Variants in EDA observed in about 807,000 individuals in gnomAD.
EDA encodes the protein ectodysplasin-A.
A neutral mutation model predicts 23.6 loss-of-function variants in EDA; 2 were observed. The ratio of observed to expected loss-of-function variants is 0.08; its 90% CI spans 0.03 to 0.27. EDA has a LOEUF of 0.27. Among genes scored for constraint, EDA ranks in the 10% least tolerant of loss-of-function variants. The pLI is 1.00. For missense variants in EDA, 229 were observed against 324.2 expected (o/e 0.71, Z 2.26); for synonymous variants, 131 against 132.0 (o/e 0.99, Z 0.05).
At chrX:69,626,358 A>G (rs751498951) in intron 1 of EDA, among the ~76,000 whole-genome samples, 1 of 112,332 alleles carries the variant, frequency 8.9e-6, no homozygotes, top group South Asian at 3.7e-4. Context: ...TCTACATTGA[A>G]TGTTCATAGC....
intron 1 of EDA, among the ~76,000 whole-genome samples, chrX:69,785,013 T>C (rs1469581388): frequency 9.1e-6 from 1 of 109,401 alleles, no homozygotes; most frequent in Non-Finnish European, 1.9e-5. Flanking sequence ...TTCACATCCC[T>C]TGTAAGTTGG....
intron 1 of EDA, among the ~76,000 whole-genome samples, chrX:69,746,966 T>C (rs2013642462): frequency 9.0e-6 from 1 of 111,494 alleles, no homozygotes; most frequent in South Asian, 3.8e-4. Flanking sequence ...AGCAGAGGCA[T>C]CCTCTATGCA....
At chrX:69,709,471 T>C (rs2011879121) in intron 1 of EDA, among the ~76,000 whole-genome samples, 1 of 111,772 alleles carries the variant, frequency 8.9e-6, no homozygotes, top group African/African-American at 3.3e-5. Context: ...TTTGACTCTA[T>C]AAAGCTATTC....
chrX:69,809,480 G>C (rs909068272), intron 1 of EDA, among the ~76,000 whole-genome samples: 1 of 111,237 alleles, frequency 9.0e-6, no homozygotes, highest in Admixed American at 9.5e-5. Context: ...ATTACAATTC[G>C]ACATGAGATT....
At chrX:69,888,977 G>GC (rs902577947) in intron 1 of EDA, among the ~76,000 whole-genome samples, 4 of 13,237 alleles carry the variant, frequency 3.0e-4, no homozygotes, top group Non-Finnish European at 3.8e-4. Context: ...TTGTGGGGTA[G>GC]TTATATATAT....
intron 1 of EDA, among the ~76,000 whole-genome samples, chrX:69,785,075 C>A (rs1225483347): frequency 3.7e-4 from 39 of 105,691 alleles, no homozygotes; most frequent in East Asian, 1.7e-3. Context: ...GAGTTCACTC[C>A]TGATTTGGCT....
intron 1 of EDA, among the ~76,000 whole-genome samples, chrX:69,836,748 C>T (rs896879100): frequency 8.4e-4 from 94 of 112,226 alleles, no homozygotes; most frequent in African/African-American, 2.9e-3. Context: ...ACCCACTGTC[C>T]ATCCAGTCTC....
chrX:69,617,088 C>G (rs1748324907), intron 1 of EDA: 1 of 326,444 alleles, frequency 3.1e-6, no homozygotes. Context: ...GTGTCTAGAG[C>G]TGATGCCAGA....
chrX:69,853,634 G>A (rs1029212381), intron 1 of EDA, among the ~76,000 whole-genome samples: 6 of 111,977 alleles, frequency 5.4e-5, no homozygotes, highest in African/African-American at 1.9e-4. Context: ...CTCAACATTA[G>A]CCAGGCAAAA....
chrX:69,953,488 G>C (rs2018957576), intron 1 of EDA, among the ~76,000 whole-genome samples: 1 of 111,621 alleles, frequency 9.0e-6, no homozygotes, highest in African/African-American at 3.3e-5. Context: ...TAGTTTGGCA[G>C]TTTCTTACAA....
At chrX:69,892,768 A>G (rs1286210228) in intron 1 of EDA, among the ~76,000 whole-genome samples, 1 of 111,735 alleles carries the variant, frequency 8.9e-6, no homozygotes, top group East Asian at 2.8e-4. Context: ...ACATGGTAAC[A>G]ATGGGCTGGA....
intron 1 of EDA, among the ~76,000 whole-genome samples, chrX:69,677,918 A>T (rs1247138893): frequency 5.4e-5 from 6 of 111,712 alleles, no homozygotes; most frequent in Non-Finnish European, 9.4e-5. Context: ...CTGAATGGTA[A>T]AGCCTAGGTT....
At chrX:69,907,188 G>A (rs1261305460) in intron 1 of EDA, among the ~76,000 whole-genome samples, 2 of 111,405 alleles carry the variant, frequency 1.8e-5, no homozygotes, top group Admixed American at 9.5e-5. Flanking sequence ...TGTCCCCCTT[G>A]TCTTGATATA....
intron 1 of EDA, among the ~76,000 whole-genome samples, chrX:69,898,970 T>C (rs2018060304): frequency 8.9e-6 from 1 of 112,095 alleles, no homozygotes; most frequent in Non-Finnish European, 1.9e-5. Flanking sequence ...CAGCAGACAT[T>C]TGCACCCCTG....
At chrX:69,956,621 G>A (rs913988202) in intron 1 of EDA, among the ~76,000 whole-genome samples, 2 of 111,362 alleles carry the variant, frequency 1.8e-5, no homozygotes, top group Non-Finnish European at 3.8e-5. Flanking sequence ...TGGGATTACA[G>A]GCGTGAGCCA....
At chrX:69,849,230 A>G (rs1462345414) in intron 1 of EDA, among the ~76,000 whole-genome samples, 1 of 111,184 alleles carries the variant, frequency 9.0e-6, no homozygotes, top group African/African-American at 3.3e-5. Context: ...AGTTCTGTGA[A>G]CAATGATGAT....
chrX:69,855,551 G>A (rs2083781176), intron 1 of EDA, among the ~76,000 whole-genome samples: 1 of 111,791 alleles, frequency 8.9e-6, no homozygotes, highest in Admixed American at 9.5e-5. Context: ...AGTATTCCCA[G>A]CACCATTTAT....
intron 1 of EDA, among the ~76,000 whole-genome samples, chrX:69,938,325 T>C (rs758964445): frequency 1.8e-5 from 2 of 112,081 alleles, no homozygotes; most frequent in African/African-American, 6.5e-5. Flanking sequence ...TGATATCTCA[T>C]TGTAGTTTCA....
intron 1 of EDA, among the ~76,000 whole-genome samples, chrX:69,815,287 C>G (rs1335918944): frequency 2.7e-5 from 3 of 112,105 alleles, no homozygotes; most frequent in African/African-American, 9.7e-5. Flanking sequence ...GCTGCCTTGC[C>G]AGATTGTGGC....
Sources: allele counts gnomAD v4.1 joint callset (sites outside exome capture counted in the v4.1 genomes callset), GRCh38; gene constraint gnomAD v4.1.1; transcripts MANE v1.5; gene names NCBI Gene and HGNC (gene_info 2026-07-23, HGNC 2026-07-21).